LCT: variants seen among roughly 807,000 people sequenced by gnomAD.
LCT encodes lactase.
A neutral mutation model predicts 173.0 loss-of-function variants in LCT; 90 were observed. The ratio of observed to expected loss-of-function variants is 0.52; its 90% CI spans 0.44 to 0.62. The LOEUF (loss-of-function observed/expected upper bound fraction) is 0.62, where lower values mean the gene tolerates loss of function less well. LCT is among the 20% of genes least tolerant of loss of function. The pLI is 0.00. For missense variants in LCT, 1,864 were observed against 2,431.4 expected (o/e 0.77, Z 4.91); for synonymous variants, 853 against 957.6 (o/e 0.89, Z 2.02).
At chr2:135,795,045 G>A (rs113927944) in intron 13 of LCT, among the ~76,000 whole-genome samples, 3 of 149,826 alleles carry the variant, frequency 2.0e-5, no homozygotes, top group Admixed American at 6.6e-5. Flanking sequence ...GCGCGCGCGC[G>A]CACACACACA....
At chr2:135,798,880 C>T (rs1000151951) in intron 12 of LCT, among the ~76,000 whole-genome samples, 12 of 152,030 alleles carry the variant, frequency 7.9e-5, no homozygotes, top group African/African-American at 2.9e-4. Flanking sequence ...TTAAATGCAC[C>T]CACTCCAAGG....
At chr2:135,802,645 G>A (rs754653754) in intron 11 of LCT, among the ~76,000 whole-genome samples, 3 of 152,196 alleles carry the variant, frequency 2.0e-5, no homozygotes, top group Admixed American at 6.5e-5. Flanking sequence ...TTACTCACAT[G>A]TGGGAGCTAA....
intron 10 of LCT, among the ~76,000 whole-genome samples, chr2:135,804,452 C>T (rs1175421409): frequency 3.3e-5 from 5 of 152,042 alleles, no homozygotes; most frequent in African/African-American, 9.7e-5. Context: ...GAGGCCGAGG[C>T]GGGTGGATCA....
At chr2:135,831,897 C>A (rs1396272298) in intron 2 of LCT, among the ~76,000 whole-genome samples, 1 of 152,142 alleles carries the variant, frequency 6.6e-6, no homozygotes, top group African/African-American at 2.4e-5. Context: ...GTTCACTTCC[C>A]AGATTATTTT....
chr2:135,792,863 A>C (rs2105518885), intron 14 of LCT, among the ~76,000 whole-genome samples: 1 of 152,276 alleles, frequency 6.6e-6, no homozygotes, highest in South Asian at 2.1e-4. Context: ...GGCCCCGCCC[A>C]TAACCTGAGA....
chr2:135,833,064 T>TCAAACTC, intron 2 of LCT, 47 bp downstream of exon 2: 2 of 1,397,778 alleles, frequency 1.4e-6, no homozygotes, highest in Non-Finnish European at 2.0e-6. Context: ...AAAATTAAAA[T>TCAAACTC]CAAACTCTCC....
In LCT at chr2:135,836,714, G is replaced by C. The variant is rs1163668387; in HGVS notation, c.456C>G (p.Ala152=). 1.2e-6 allele frequency: 2 copies of C among 1,614,168 alleles called. No individual in the cohort carries two copies. The highest frequency in any genetic ancestry group is 1.7e-6 in the Non-Finnish European group (2 of 1,180,032). The change falls in exon 1 of 17, where the codon GCC becomes GCG. Residue 152 remains alanine, a synonymous_variant. Coordinates refer to ENST00000264162, the MANE Select transcript of LCT (RefSeq NM_002299.4). Reference sequence around the variant, plus strand: ...AGTGGAAGGCGAATGTGGCATAGTCGGCGAAGAGGTCAGCAAAGGCTTCGG... The same window carrying C: ...AGTGGAAGGCGAATGTGGCATAGTCCGCGAAGAGGTCAGCAAAGGCTTCGG... ...RRTEAFADLF[A]DYATFAFHSF...
chr2:135,828,258 C>T (rs372420380), intron 3 of LCT, among the ~76,000 whole-genome samples: 38 of 152,250 alleles, frequency 2.5e-4, no homozygotes, highest in East Asian at 1.9e-3. Context: ...CTCTTGATCT[C>T]ATGATCCACC....
chr2:135,836,259 T>A (rs1488561754), intron 1 of LCT, among the ~76,000 whole-genome samples: 1 of 152,000 alleles, frequency 6.6e-6, no homozygotes, highest in African/African-American at 2.4e-5. Flanking sequence ...CTTCAAGTGA[T>A]CCGCCCACCT....
intron 9 of LCT, 125 bp downstream of exon 9, chr2:135,807,003 T>C: frequency 9.0e-7 from 1 of 1,112,244 alleles, no homozygotes; most frequent in Non-Finnish European, 1.3e-6. Context: ...CCAGACCCCA[T>C]GCTGCCCCTC....
chr2:135,810,719 G>A (rs2105535757), intron 7 of LCT, among the ~76,000 whole-genome samples: 1 of 117,374 alleles, frequency 8.5e-6, no homozygotes, highest in African/African-American at 3.1e-5. Flanking sequence ...GCCAGACTCT[G>A]TCTCTATTGA....
At chr2:135,799,657 C>A (rs1448752935) in intron 12 of LCT, among the ~76,000 whole-genome samples, 1 of 152,072 alleles carries the variant, frequency 6.6e-6, no homozygotes, top group Non-Finnish European at 1.5e-5. Flanking sequence ...ACCATGTTGG[C>A]CAGGCTGGTC....
chr2:135,789,596 C>T lies in LCT; in HGVS notation c.5538G>A (p.Gly1846=). 6.2e-7 allele frequency: 1 copy of T among 1,613,874 alleles called. No individual in the cohort carries two copies. Among genetic ancestry groups the T allele is most frequent in the Non-Finnish European group, 8.5e-7 (1 of 1,179,932 alleles). Residue 1846 remains glycine (G), a synonymous_variant, in exon 16 of 17, where the codon GGG becomes GGA. Transcript: ENST00000264162. The part of the protein sequence containing the change: ...RCNGFPDPAT[G]PHACLHQPDA... The stretch of plus-strand genomic sequence containing the variant: ...CTGGCTGGTGGAGACAAGCGTGAGG[C>T]CCTGTAGCGGGGTCAGGGAAGCCAT...
In LCT at chr2:135,835,996, ATATATATATATATATATATG is replaced by A. The variant is rs199577445; in HGVS notation, c.640+514_640+533del. ...TGTGTGTATATATATATATATATAT[ATATATATATATATATATATG>A]TATACATATTTTTTTTTTTTGAGAT... On this transcript the variant is annotated intron_variant, in intron 1 of 16. Coordinates refer to ENST00000264162, the MANE Select transcript of LCT (RefSeq NM_002299.4). Among the ~76,000 whole-genome samples the A allele has an allele frequency of 4.2e-3, 237 of 56,696 alleles. 12 individuals are homozygous for A. The highest frequency in any genetic ancestry group is 6.8e-3 in the Non-Finnish European group (151 of 22,312). 37.2% of individuals were successfully genotyped at this position (56,696 alleles called of 152,430 possible).
At position 135,790,912 on chromosome 2, in the gene LCT, T is replaced by C; in HGVS notation, c.5112-31A>G. On this transcript the variant is annotated intron_variant, in intron 14 of 16. Transcript: ENST00000264162. The surrounding 1 kb of genome is among the most constrained non-coding windows in gnomAD (Gnocchi z 4.1). ...AGTTCAAAAACTAAAGATGAGGTCTTGTTTTGTAAATCTCAAGAGGCCCTT... is the reference window on the plus strand; with the variant it reads ...AGTTCAAAAACTAAAGATGAGGTCTCGTTTTGTAAATCTCAAGAGGCCCTT... The C allele has an allele frequency of 6.5e-7, 1 of 1,539,000 alleles. No individual in the cohort carries two copies. The highest frequency in any genetic ancestry group is 9.0e-7 in the Non-Finnish European group (1 of 1,111,558).
At chr2:135,822,183 A>G (rs149275546) in intron 4 of LCT, 85 bp from the exon 5 acceptor site, 2 of 841,860 alleles carry the variant, frequency 2.4e-6, no homozygotes, top group African/African-American at 1.7e-5. Flanking sequence ...CCTCGCTCAT[A>G]CGACACACCC....
In LCT at chr2:135,790,153, G is replaced by A. The variant is rs1459808029; in HGVS notation, c.5336-355C>T. On this transcript the variant is annotated intron_variant, in intron 15 of 16. Transcript: ENST00000264162. This position sits in a 1 kb window ranked among gnomAD's most constrained non-coding sequence, Gnocchi z 4.1. The stretch of plus-strand genomic sequence containing the variant: ...CCCTGTAGAAAATAGCCCTTAGATA[G>A]AATATATTTCAGCTGGGTAGGATTT... Among the ~76,000 whole-genome samples the A allele has an allele frequency of 1.3e-5, 2 of 152,210 alleles. No individual in the cohort carries two copies. Among genetic ancestry groups the A allele is most frequent in the African/African-American group, 4.8e-5 (2 of 41,448 alleles).
intron 3 of LCT, among the ~76,000 whole-genome samples, chr2:135,826,844 C>T (rs572652561): frequency 6.6e-5 from 10 of 152,288 alleles, no homozygotes; most frequent in East Asian, 3.9e-4. Context: ...TCAGCCAGCC[C>T]GCAAGCACAG....
In LCT at chr2:135,809,571, C is replaced by T. The variant is rs2105534429; in HGVS notation, c.2776G>A (p.Gly926Ser). 15 of 1,614,240 alleles carry T rather than the reference C, an allele frequency of 9.3e-6. No homozygotes were observed. The highest frequency in any genetic ancestry group is 1.3e-5 in the Non-Finnish European group (15 of 1,180,048). Residue 926 changes from glycine to serine, a missense_variant, in exon 8 of 17, where the codon GGC becomes AGC. Physicochemically the swap from Gly to Ser is moderately conservative, Grantham distance 56. Transcript: ENST00000264162. The surrounding 1 kb of genome is among the most constrained non-coding windows in gnomAD (Gnocchi z 5.5). ...YQIEGAWDADGKGPSIWDNFT... is the reference protein window; with the variant it reads ...YQIEGAWDADSKGPSIWDNFT... ...TTATCCCAGATGCTGGGGCCTTTGCCATCGGCATCCCACGCGCCTTCAATC... is the reference window on the plus strand; with the variant it reads ...TTATCCCAGATGCTGGGGCCTTTGCTATCGGCATCCCACGCGCCTTCAATC...
Sources: allele counts gnomAD v4.1 joint callset (sites outside exome capture counted in the v4.1 genomes callset), GRCh38; gene constraint gnomAD v4.1.1; non-coding constraint Gnocchi (gnomAD v3.1); transcripts MANE v1.5; gene names NCBI Gene and HGNC (gene_info 2026-07-23, HGNC 2026-07-21).